Variants in BLZF1 observed in about 807,000 individuals in gnomAD.
BLZF1 encodes golgin-45.
In BLZF1, 39 loss-of-function variants were observed where a neutral mutation model predicts 43.8. The ratio of observed to expected loss-of-function variants is 0.89; its 90% CI spans 0.69 to 1.16. BLZF1 has a LOEUF of 1.16. BLZF1 is among the 50% of genes most tolerant of loss of function. The pLI is 0.00. For missense variants in BLZF1, 449 were observed against 469.8 expected (o/e 0.96, Z 0.41); for synonymous variants, 136 against 159.4 (o/e 0.85, Z 1.11).
chr1:169,381,043 G>C (rs553239305), intron 5 of BLZF1, among the ~76,000 whole-genome samples: 2 of 151,940 alleles, frequency 1.3e-5, no homozygotes, highest in Non-Finnish European at 2.9e-5. Flanking sequence ...AAAGCCTTTT[G>C]CATTTTTATA....
chr1:169,368,717 G>A (rs1380004648), intron 1 of BLZF1, among the ~76,000 whole-genome samples: 1 of 152,196 alleles, frequency 6.6e-6, no homozygotes, highest in Non-Finnish European at 1.5e-5. Context: ...GAGTGTAAGT[G>A]TAGAAAAGTT....
chr1:169,391,376 T>A (rs1413350294), downstream of BLZF1, among the ~76,000 whole-genome samples: 1 of 152,216 alleles, frequency 6.6e-6, no homozygotes, highest in Non-Finnish European at 1.5e-5. Flanking sequence ...AAATCTCACC[T>A]GCAGCTGCTG....
chr1:169,369,418 A>G (rs943973630), intron 1 of BLZF1, 55 bp from the exon 2 acceptor site: 1 of 851,406 alleles, frequency 1.2e-6, no homozygotes, highest in East Asian at 2.7e-5. Flanking sequence ...AATTGGAGGT[A>G]CTCTATGTGT....
In BLZF1 at chr1:169,380,487, G is replaced by A; in HGVS notation, c.675G>A (p.Met225Ile). The A allele has an allele frequency of 1.9e-6, 3 of 1,610,850 alleles. No individual in the cohort carries two copies. The highest frequency in any genetic ancestry group is 2.2e-5 in the South Asian group (2 of 90,854). ...AGATTTTAATCTTTTTCAGGGTAAT[G>A]GCAGATGAGTTAACCAACTCAAGAG... ...WRSKFLASRV[M>I]ADELTNSRAA... Residue 225 changes from methionine to isoleucine, a missense_variant, in exon 5 of 7, where the codon ATG becomes ATA. Coordinates refer to ENST00000367808, the MANE Select transcript of BLZF1 (RefSeq NM_001320973.2).
intron 4 of BLZF1, among the ~76,000 whole-genome samples, chr1:169,380,172 A>AT (rs1442529365): frequency 1.3e-5 from 2 of 151,792 alleles, no homozygotes; most frequent in Non-Finnish European, 2.9e-5. Context: ...ATATTTAATA[A>AT]TTTTTTCTTT....
In BLZF1 at chr1:169,376,995, A is replaced by T; in HGVS notation, c.468+16A>T. The stretch of plus-strand genomic sequence containing the variant: ...ACAGACAGAGGTAAGAAGAGCCTTA[A>T]TCGATAAAATGAGTACTACTCTTTA... On this transcript the variant is annotated intron_variant, in intron 3 of 6. Transcript: ENST00000367808. 2 of 1,600,058 alleles carry T rather than the reference A, an allele frequency of 1.2e-6. No individual in the cohort carries two copies. Among genetic ancestry groups the T allele is most frequent in the Non-Finnish European group, 1.7e-6 (2 of 1,170,722 alleles).
In BLZF1 at chr1:169,378,447, C is replaced by G; in HGVS notation, c.586C>G (p.Arg196Gly). The G allele has an allele frequency of 6.2e-7, 1 of 1,612,834 alleles. No homozygotes were observed. The highest frequency in any genetic ancestry group is 1.1e-5 in the South Asian group (1 of 91,028). Residue 196 changes from arginine (R) to glycine (G), a missense_variant, in exon 4 of 7, where the codon CGA becomes GGA. Arg to Gly is a moderately radical substitution (Grantham distance 125). Coordinates refer to ENST00000367808, the MANE Select transcript of BLZF1 (RefSeq NM_001320973.2). ...QLILENEALG[R>G]NTAQLSEQLE... ...TATTTTAGAAAATGAAGCCCTAGGT[C>G]GAAACACAGCTCAGCTTTCTGAACA...
downstream of BLZF1, among the ~76,000 whole-genome samples, chr1:169,389,907 A>G (rs567491890): frequency 3.3e-5 from 5 of 152,338 alleles, no homozygotes; most frequent in Non-Finnish European, 7.4e-5. Context: ...ATTTGTAGAG[A>G]TGGAAAGCAG....
intron 2 of BLZF1, among the ~76,000 whole-genome samples, chr1:169,373,254 G>T (rs1654184031): frequency 6.6e-6 from 1 of 152,158 alleles, no homozygotes; most frequent in Admixed American, 6.6e-5. Context: ...TTGATCACAG[G>T]TGGAAGTAAT....
chr1:169,369,820 C>A (rs1654048089), intron 2 of BLZF1, among the ~76,000 whole-genome samples: 1 of 152,114 alleles, frequency 6.6e-6, no homozygotes, highest in African/African-American at 2.4e-5. Flanking sequence ...TCCCTATACA[C>A]TAGAAGATTA....
At chr1:169,382,341 G>A (rs1333017148) in intron 6 of BLZF1, 60 bp downstream of exon 6, 3 of 1,447,208 alleles carry the variant, frequency 2.1e-6, no homozygotes, top group Admixed American at 3.6e-5. Flanking sequence ...ACTGAAAGGT[G>A]ACATATCATG....
chr1:169,388,517 T>C (rs898197542), downstream of BLZF1, among the ~76,000 whole-genome samples: 6 of 152,096 alleles, frequency 3.9e-5, no homozygotes, highest in Non-Finnish European at 8.8e-5. Context: ...AAAGAAAAAA[T>C]AGATAAATTG....
intron 6 of BLZF1, among the ~76,000 whole-genome samples, chr1:169,384,960 A>C (rs953431136): frequency 6.6e-6 from 1 of 152,224 alleles, no homozygotes; most frequent in Non-Finnish European, 1.5e-5. Flanking sequence ...TGAATGAGTC[A>C]GTACCTAAAA....
At position 169,375,393 on chromosome 1, in the gene BLZF1, CATATATATATATATATAT is replaced by C. The variant is rs58679820; in HGVS notation, c.29-1126_29-1109del. Reference sequence around the variant, plus strand: ...ACATATAAAACATATATATATAAAACATATATATATATATATATATATATATATATATATATATGGTCT... The same window carrying C: ...ACATATAAAACATATATATATAAAACATATATATATATATATATATGGTCT... On this transcript the variant is annotated intron_variant, in intron 2 of 6. Coordinates refer to ENST00000367808, the MANE Select transcript of BLZF1 (RefSeq NM_001320973.2). Among the ~76,000 whole-genome samples, 183 of 85,842 alleles carry C rather than the reference CATATATATATATATATAT, an allele frequency of 2.1e-3. 4 individuals carry two copies. The highest frequency in any genetic ancestry group is 6.4e-3 in the African/African-American group (133 of 20,782). The allele number at this position is 85,842 out of a possible 152,430, so 56.3% of individuals were successfully genotyped here.
At chr1:169,379,534 T>C (rs999729037) in intron 4 of BLZF1, among the ~76,000 whole-genome samples, 9 of 152,024 alleles carry the variant, frequency 5.9e-5, no homozygotes, top group African/African-American at 2.2e-4. Context: ...TGCAACTTTT[T>C]AACATCCTGA....
chr1:169,375,319 A>T (rs1654261987), intron 2 of BLZF1, among the ~76,000 whole-genome samples: 1 of 146,052 alleles, frequency 6.8e-6, no homozygotes, highest in South Asian at 2.1e-4. Context: ...AGGAGATTAC[A>T]TTACACACAC....
At position 169,387,380 on chromosome 1, in the gene BLZF1, CTG is replaced by C; in HGVS notation, c.*200_*201del. 1 of 498,216 alleles carries C rather than the reference CTG, an allele frequency of 2.0e-6. No homozygotes were observed. Among genetic ancestry groups the C allele is most frequent in the East Asian group, 3.6e-5 (1 of 27,530 alleles). 30.9% of individuals were successfully genotyped at this position (498,216 alleles called of 1,614,324 possible). A position where few individuals can be genotyped will look rare whatever the true frequency, so the allele number is the denominator to read the frequency against. The stretch of plus-strand genomic sequence containing the variant: ...ATCTCAGGGTAAGGAAAGAAAGAAA[CTG>C]TATAGATATATTTAAAATAGAGAAT... On this transcript the variant is annotated 3_prime_UTR_variant, in exon 7 of 7. Transcript: ENST00000367808.
At position 169,378,549 on chromosome 1, in the gene BLZF1, G is replaced by A. The variant is rs534427204; in HGVS notation, c.668+20G>A. 4.4e-6 allele frequency: 7 copies of A among 1,604,980 alleles called. No individual in the cohort carries two copies. In the South Asian group the frequency reaches 6.6e-5, roughly 15 times the overall value. On this transcript the variant is annotated intron_variant, in intron 4 of 6. Transcript: ENST00000367808. The stretch of plus-strand genomic sequence containing the variant: ...AAGCAGGTATTTTCTACAGCAAATA[G>A]TATTTCACTTCCTAGTTTTTGCTCC...
At chr1:169,395,373 G>A (rs1439662603) in intron 7 of BLZF1, among the ~76,000 whole-genome samples, 1 of 152,132 alleles carries the variant, frequency 6.6e-6, no homozygotes, top group Non-Finnish European at 1.5e-5. Context: ...TTACACCCAA[G>A]GCTCATACAA....
Sources: gnomAD v4.1 joint callset for allele counts (sites outside exome capture counted in the v4.1 genomes callset) on GRCh38, gnomAD v4.1.1 for gene constraint, MANE v1.5 for transcripts, NCBI Gene and HGNC (gene_info 2026-07-23, HGNC 2026-07-21) for gene names.